Variants in STK3 observed in about 807,000 individuals in gnomAD.
STK3 encodes serine/threonine-protein kinase 3.
STK3 carries 41 observed loss-of-function variants against 58.0 expected under a neutral mutation model. That is an observed-to-expected ratio of 0.71 (90% CI 0.55 to 0.92). STK3 has a LOEUF of 0.92. Among genes scored for constraint, STK3 ranks in the 40% least tolerant of loss-of-function variants. The probability of loss-of-function intolerance (pLI) is 0.00; values close to 1 mark genes in which losing one functional copy is unlikely to be tolerated. For synonymous variants in STK3, 170 were observed against 191.0 expected (o/e 0.89, Z 0.91); for missense variants, 479 against 602.7 (o/e 0.79, Z 2.15).
chr8:98,628,266 T>C (rs1818886137), intron 6 of STK3, among the ~76,000 whole-genome samples: 1 of 152,220 alleles, frequency 6.6e-6, no homozygotes, highest in Non-Finnish European at 1.5e-5. Flanking sequence ...CTCTTTTCAA[T>C]TTTCCAGGCT....
chr8:98,444,937 C>G (rs945342798), intron 1 of STK3, among the ~76,000 whole-genome samples: 1 of 152,134 alleles, frequency 6.6e-6, no homozygotes, highest in Admixed American at 6.5e-5. Flanking sequence ...ATTTTGATGG[C>G]ATGCTTCCCT....
chr8:98,348,828 C>A, the STK3 span, among the ~76,000 whole-genome samples: 1 of 151,760 alleles, frequency 6.6e-6, no homozygotes, highest in Admixed American at 6.6e-5. Context: ...GGTACAGTCA[C>A]TTTGGAAGGT....
chr8:98,916,630 G>A (rs1246628993), intron 1 of STK3, among the ~76,000 whole-genome samples: 1 of 152,146 alleles, frequency 6.6e-6, no homozygotes, highest in Non-Finnish European at 1.5e-5. Context: ...ACATGACCAT[G>A]AGTAGCAGCA....
At chr8:98,399,300 A>AAT (rs1346389787), downstream of STK3, among the ~76,000 whole-genome samples, 16 of 152,356 alleles carry the variant, frequency 1.1e-4, no homozygotes, top group African/African-American at 3.8e-4. Context: ...TATGACTGTT[A>AAT]TTGCTCACCA....
At chr8:98,823,432 G>A (rs564279180) in intron 1 of STK3, among the ~76,000 whole-genome samples, 156 of 151,240 alleles carry the variant, frequency 1.0e-3, no homozygotes, top group African/African-American at 3.7e-3. Flanking sequence ...TGATAAGAAA[G>A]AGAGTTTCAA....
At chr8:98,621,832 G>A (rs1818349302) in intron 6 of STK3, among the ~76,000 whole-genome samples, 1 of 151,922 alleles carries the variant, frequency 6.6e-6, no homozygotes, top group Non-Finnish European at 1.5e-5. Flanking sequence ...AGAATCACTG[G>A]TAATTGCTTA....
chr8:98,917,623 C>T (rs570608165), intron 1 of STK3, among the ~76,000 whole-genome samples: 3 of 152,250 alleles, frequency 2.0e-5, no homozygotes, highest in East Asian at 1.9e-4. Context: ...CATCAGACAC[C>T]GGATCTGGCA....
intron 6 of STK3, among the ~76,000 whole-genome samples, chr8:98,600,918 A>G (rs1369720532): frequency 6.6e-6 from 1 of 152,218 alleles, no homozygotes; most frequent in Non-Finnish European, 1.5e-5. Context: ...AGCAATAAAA[A>G]CTAAAAGATG....
intron 6 of STK3, chr8:98,602,370 C>T (rs1055518760): frequency 2.0e-5 from 3 of 152,320 alleles, no homozygotes; most frequent in Middle Eastern, 6.8e-3. Context: ...CCATCTAATC[C>T]CTTCTGCCAA....
intron 8 of STK3, 25 bp downstream of exon 8, chr8:98,579,639 C>A (rs115187428): frequency 1.9e-6 from 3 of 1,596,036 alleles, no homozygotes; most frequent in South Asian, 1.1e-5. Context: ...AGAAAAAAAT[C>A]AACTTTTTGA....
intron 10 of STK3, among the ~76,000 whole-genome samples, chr8:98,518,053 G>C (rs753638326): frequency 6.6e-5 from 10 of 152,024 alleles, no homozygotes; most frequent in Non-Finnish European, 1.5e-4. Flanking sequence ...ATTTTAAAAA[G>C]AGCAAACTAC....
intron 10 of STK3, among the ~76,000 whole-genome samples, chr8:98,460,573 C>T (rs1351346490): frequency 6.6e-6 from 1 of 152,108 alleles, no homozygotes; most frequent in African/African-American, 2.4e-5. Context: ...TGGCTGTGTC[C>T]CCACTCAAAT....
intron 4 of STK3, among the ~76,000 whole-genome samples, chr8:98,733,908 G>A (rs1355302614): frequency 6.6e-6 from 1 of 152,084 alleles, no homozygotes; most frequent in Non-Finnish European, 1.5e-5. Context: ...CCTGAGACTG[G>A]GTAATTTAGA....
At chr8:98,526,982 A>G (rs1825791399) in intron 9 of STK3, 65 bp from the exon 10 acceptor site, 1 of 1,311,178 alleles carries the variant, frequency 7.6e-7, no homozygotes, top group Admixed American at 2.8e-5. Context: ...TTTTCTTTGA[A>G]GTATGATTTT....
intron 6 of STK3, among the ~76,000 whole-genome samples, chr8:98,669,396 G>T (rs1000338072): frequency 1.3e-5 from 2 of 152,034 alleles, no homozygotes; most frequent in African/African-American, 4.8e-5. Flanking sequence ...TCCTCTAATT[G>T]ATCATAACAC....
chr8:98,503,375 G>T (rs1305910852), intron 10 of STK3, among the ~76,000 whole-genome samples: 1 of 152,006 alleles, frequency 6.6e-6, no homozygotes, highest in Admixed American at 6.6e-5. Flanking sequence ...CTGATTTTTT[G>T]AAGGGTTTTT....
At chr8:98,789,454 A>T (rs978881444) in intron 1 of STK3, among the ~76,000 whole-genome samples, 11 of 152,156 alleles carry the variant, frequency 7.2e-5, no homozygotes, top group African/African-American at 2.7e-4. Context: ...CAAAAGATAA[A>T]TGAAACAAAA....
At chr8:98,760,463 G>C (rs866467073) in intron 3 of STK3, among the ~76,000 whole-genome samples, 1 of 152,154 alleles carries the variant, frequency 6.6e-6, no homozygotes, top group Non-Finnish European at 1.5e-5. Flanking sequence ...TTAAAGAGGA[G>C]TAAGCAGCTA....
At chr8:98,420,232 C>A (rs976526654) in intron 3 of STK3, among the ~76,000 whole-genome samples, 2 of 152,106 alleles carry the variant, frequency 1.3e-5, no homozygotes, top group East Asian at 1.9e-4. Context: ...CTTTGTCTGG[C>A]GAATCCATGC....
Sources: gnomAD v4.1 joint callset for allele counts (sites outside exome capture counted in the v4.1 genomes callset) on GRCh38, gnomAD v4.1.1 for gene constraint, MANE v1.5 for transcripts, NCBI Gene and HGNC (gene_info 2026-07-23, HGNC 2026-07-21) for gene names.